The following CNKSR2 variants were observed in gnomAD, a reference collection of about 807,000 sequenced individuals.
CNKSR2 encodes the protein CNK homolog protein 2.
A neutral mutation model predicts 84.4 loss-of-function variants in CNKSR2; 14 were observed. The ratio of observed to expected loss-of-function variants is 0.17; its 90% confidence interval spans 0.11 to 0.26. The LOEUF is 0.26. Ranked by LOEUF, CNKSR2 falls within the 10% of genes least tolerant of loss-of-function variation. The pLI, the probability that CNKSR2 is intolerant of heterozygous loss-of-function variation, is 1.00. For missense variants in CNKSR2, 485 were observed against 771.2 expected (o/e 0.63, Z 4.40); for synonymous variants, 275 against 277.9 (o/e 0.99, Z 0.10).
chrX:21,461,490 C>T (rs181961119), intron 4 of CNKSR2, among the ~76,000 whole-genome samples: 2 of 111,189 alleles, frequency 1.8e-5, no homozygotes, highest in African/African-American at 6.5e-5. Flanking sequence ...TGGCTTGTCT[C>T]TTCACTTTGT....
intron 20 of CNKSR2, among the ~76,000 whole-genome samples, chrX:21,618,329 A>G (rs1308876160): frequency 9.0e-6 from 1 of 111,366 alleles, no homozygotes; most frequent in Non-Finnish European, 1.9e-5. Flanking sequence ...AACATAATCT[A>G]TTACACTCTA....
At chrX:21,526,256 C>T (rs1408261898) in intron 9 of CNKSR2, among the ~76,000 whole-genome samples, 1 of 110,949 alleles carries the variant, frequency 9.0e-6, no homozygotes, top group African/African-American at 3.3e-5. Flanking sequence ...TGATGATGTA[C>T]CATAAAATGG....
intron 20 of CNKSR2, among the ~76,000 whole-genome samples, chrX:21,610,384 C>T (rs1302240874): frequency 8.9e-6 from 1 of 112,251 alleles, no homozygotes; most frequent in African/African-American, 3.2e-5. Flanking sequence ...TTATTACTAA[C>T]ATGACACATC....
At chrX:21,423,014 C>G (rs1194740914) in intron 1 of CNKSR2, among the ~76,000 whole-genome samples, 1 of 111,476 alleles carries the variant, frequency 9.0e-6, no homozygotes, top group Admixed American at 9.5e-5. Context: ...TTTTCCTCAT[C>G]TACTTTGAAT....
At chrX:21,509,555 T>A (rs1328344015) in intron 8 of CNKSR2, among the ~76,000 whole-genome samples, 1 of 111,690 alleles carries the variant, frequency 9.0e-6, no homozygotes, top group African/African-American at 3.3e-5. Context: ...GGGTTAAAAA[T>A]CACTTATTTG....
At chrX:21,392,105 G>A (rs748411009) in intron 1 of CNKSR2, among the ~76,000 whole-genome samples, 3 of 111,732 alleles carry the variant, frequency 2.7e-5, no homozygotes, top group African/African-American at 9.8e-5. Context: ...GCCTGGACTT[G>A]ACTGTCCATA....
intron 17 of CNKSR2, among the ~76,000 whole-genome samples, chrX:21,597,269 C>T (rs1464903089): frequency 2.7e-5 from 3 of 111,678 alleles, no homozygotes; most frequent in African/African-American, 6.5e-5. Flanking sequence ...GCTGATGTCA[C>T]TGCTCTTTCC....
At chrX:21,581,966 A>C (rs1379477191) in intron 13 of CNKSR2, among the ~76,000 whole-genome samples, 1 of 111,901 alleles carries the variant, frequency 8.9e-6, no homozygotes, top group African/African-American at 3.2e-5. Flanking sequence ...GTCAAAAGGC[A>C]GGCTGGATCC....
intron 4 of CNKSR2, among the ~76,000 whole-genome samples, chrX:21,467,274 C>T (rs932904590): frequency 1.8e-5 from 2 of 111,392 alleles, no homozygotes; most frequent in Non-Finnish European, 1.9e-5. Context: ...TCTGAATCAA[C>T]TAGATCCGTA....
chrX:21,400,513 C>T (rs747358675), intron 1 of CNKSR2, among the ~76,000 whole-genome samples: 29 of 111,285 alleles, frequency 2.6e-4, no homozygotes, highest in African/African-American at 9.1e-4. Context: ...AAATATTTCT[C>T]AAATGAATAA....
chrX:21,553,826 G>A (rs941062826), intron 11 of CNKSR2, among the ~76,000 whole-genome samples: 1 of 111,454 alleles, frequency 9.0e-6, no homozygotes, highest in African/African-American at 3.3e-5. Flanking sequence ...AGAACTGCAT[G>A]CTTTTAACCA....
intron 4 of CNKSR2, among the ~76,000 whole-genome samples, chrX:21,444,514 T>A (rs191762342): frequency 3.8e-4 from 42 of 111,186 alleles, no homozygotes; most frequent in African/African-American, 1.3e-3. Context: ...TCTGTAAAAG[T>A]GGATCCCTAC....
chrX:21,454,547 T>A (rs2090974044), intron 4 of CNKSR2, among the ~76,000 whole-genome samples: 1 of 112,336 alleles, frequency 8.9e-6, no homozygotes, highest in African/African-American at 3.2e-5. Flanking sequence ...GATCAATAAA[T>A]ATTTGTTAAA....
At chrX:21,573,144 T>C (rs908864483) in intron 13 of CNKSR2, among the ~76,000 whole-genome samples, 2 of 112,096 alleles carry the variant, frequency 1.8e-5, no homozygotes, top group Non-Finnish European at 3.8e-5. Context: ...TCCAGAATGA[T>C]CTCCTTTGAC....
intron 1 of CNKSR2, among the ~76,000 whole-genome samples, chrX:21,387,770 C>A (rs2089990657): frequency 9.0e-6 from 1 of 111,085 alleles, no homozygotes; most frequent in African/African-American, 3.3e-5. Flanking sequence ...TACCTAGTCA[C>A]ATAATTTTTT....
chrX:21,601,390 T>C (rs1443363557), intron 18 of CNKSR2, 41 bp downstream of exon 18: 1 of 808,694 alleles, frequency 1.2e-6, no homozygotes, highest in Non-Finnish European at 1.8e-6. Flanking sequence ...TTATACTTTT[T>C]TTCCTGCAGT....
chrX:21,570,539 C>T (rs1296086858), intron 13 of CNKSR2, among the ~76,000 whole-genome samples: 1 of 111,645 alleles, frequency 9.0e-6, no homozygotes, highest in Non-Finnish European at 1.9e-5. Flanking sequence ...AAGGCTGTTT[C>T]GTTTTCCTAT....
At position 21,591,038 on chromosome X, in the gene CNKSR2, G is replaced by C; in HGVS notation, c.1674G>C (p.Lys558Asn). The C allele has an allele frequency of 8.3e-7, 1 of 1,209,313 alleles. No homozygotes were observed. Among genetic ancestry groups the C allele is most frequent in the Non-Finnish European group, 1.1e-6 (1 of 894,247 alleles). The stretch of plus-strand genomic sequence containing the variant: ...ACCCTTTAGGTCCTATAGCAGGCAA[G>C]AGCAAAAGACGAATTTCTTGCAAAG... ...KKKNKGPIAG[K>N]SKRRISCKDL... Residue 558 changes from lysine (K) to asparagine (N), a missense_variant, in exon 15 of 22, where the codon AAG (lysine) becomes AAC (asparagine). By Grantham distance (94) the Lys-to-Asn change is moderately conservative (BLOSUM62 0). Transcript: ENST00000379510.
At chrX:21,386,267 G>A (rs1475298887) in intron 1 of CNKSR2, among the ~76,000 whole-genome samples, 1 of 111,347 alleles carries the variant, frequency 9.0e-6, no homozygotes, top group African/African-American at 3.3e-5. Flanking sequence ...CTATGGATCC[G>A]AAACCCTTAT....
Sources: gnomAD v4.1 joint callset for allele counts (sites outside exome capture counted in the v4.1 genomes callset) on GRCh38, gnomAD v4.1.1 for gene constraint, MANE v1.5 for transcripts, NCBI Gene and HGNC (gene_info 2026-07-23, HGNC 2026-07-21) for gene names.